Variants in INPP5D observed in about 807,000 individuals in gnomAD.
The protein encoded by INPP5D is inositol polyphosphate-5-phosphatase D.
Under a neutral mutation model 122.9 loss-of-function variants are expected in INPP5D, and 33 were observed. The observed-to-expected ratio is 0.27, with a 90% CI of 0.20 to 0.36. The LOEUF (loss-of-function observed/expected upper bound fraction) is 0.36. Ranked by LOEUF, INPP5D falls within the 10% of genes least tolerant of loss-of-function variation. The probability of loss-of-function intolerance (pLI) is 1.00; values close to 1 mark genes in which losing one functional copy is unlikely to be tolerated. For synonymous variants in INPP5D, 584 were observed against 576.2 expected, an observed-to-expected ratio of 1.01 and a Z score of -0.19; for missense variants, 1,053 against 1,412.7, an observed-to-expected ratio of 0.75 and a Z score of 4.08.
chr2:233,139,149 C>A (rs1367760005), intron 5 of INPP5D, among the ~76,000 whole-genome samples: 1 of 152,098 alleles, frequency 6.6e-6, no homozygotes, highest in Non-Finnish European at 1.5e-5. Context: ...ATTTTCAAAT[C>A]ATTAGAATGT....
At chr2:233,064,077 G>C (rs1358607921) in intron 1 of INPP5D, among the ~76,000 whole-genome samples, 1 of 152,274 alleles carries the variant, frequency 6.6e-6, no homozygotes, top group Non-Finnish European at 1.5e-5. Flanking sequence ...TGTGCAATCT[G>C]CACAGGCAAA....
intron 6 of INPP5D, among the ~76,000 whole-genome samples, chr2:233,145,725 C>T (rs944897755): frequency 3.3e-5 from 5 of 151,608 alleles, no homozygotes; most frequent in East Asian, 1.9e-4. Flanking sequence ...TATAGGACCT[C>T]GGAGGGCAGG....
intron 2 of INPP5D, among the ~76,000 whole-genome samples, chr2:233,115,167 T>A (rs889120757): frequency 6.6e-6 from 1 of 152,228 alleles, no homozygotes; most frequent in Non-Finnish European, 1.5e-5. Flanking sequence ...GCGCCTGGCC[T>A]GTTTCCCAGT....
intron 26 of INPP5D, among the ~76,000 whole-genome samples, chr2:233,205,952 A>C (rs974805666): frequency 6.6e-6 from 1 of 152,062 alleles, no homozygotes; most frequent in African/African-American, 2.4e-5. Flanking sequence ...TGTGGTGTGC[A>C]CCTGTAATCC....
At chr2:233,125,005 C>T (rs1693113283) in intron 3 of INPP5D, among the ~76,000 whole-genome samples, 1 of 152,242 alleles carries the variant, frequency 6.6e-6, no homozygotes. Flanking sequence ...AAGAGGAGGT[C>T]CCCCGGGGCC....
chr2:233,102,394 C>T (rs1692338969), intron 2 of INPP5D, among the ~76,000 whole-genome samples: 1 of 152,190 alleles, frequency 6.6e-6, no homozygotes, highest in Admixed American at 6.5e-5. Context: ...GTGTCCCACA[C>T]CTCGCCTGCT....
At chr2:233,138,768 A>C (rs1444893007) in intron 5 of INPP5D, among the ~76,000 whole-genome samples, 2 of 151,080 alleles carry the variant, frequency 1.3e-5, no homozygotes, top group Non-Finnish European at 2.9e-5. Flanking sequence ...TTTTTGAGAC[A>C]AGAGTCTCGC....
chr2:233,115,800 T>A (rs933508923), intron 2 of INPP5D, among the ~76,000 whole-genome samples: 8 of 152,234 alleles, frequency 5.3e-5, no homozygotes, highest in African/African-American at 1.9e-4. Context: ...TATGTCATTA[T>A]GTTTGCAACC....
chr2:233,195,489 C>G lies in INPP5D; in HGVS notation c.2687C>G (p.Thr896Ser). 1 of 1,612,928 alleles carries G rather than the reference C, an allele frequency of 6.2e-7. No homozygotes were observed. Among genetic ancestry groups the G allele is most frequent in the Non-Finnish European group, 8.5e-7 (1 of 1,179,314 alleles). The part of the protein sequence containing the change: ...SHDPMKQWEV[T>S]SRAPPCSGSS... ...GACCCCATGAAGCAGTGGGAAGTCA[C>G]TAGCAGGTAAAGTGGGCGTGGGGTG... Residue 896 changes from threonine (T) to serine (S), a missense_variant, in exon 24 of 27, where the codon ACT (threonine) becomes AGT (serine). Physicochemically the swap from Thr to Ser is moderately conservative, Grantham distance 58 (BLOSUM62 1). Coordinates refer to ENST00000445964, the MANE Select transcript of INPP5D (RefSeq NM_001017915.3).
intron 25 of INPP5D, among the ~76,000 whole-genome samples, chr2:233,198,748 C>T (rs1022422426): frequency 1.4e-4 from 21 of 150,498 alleles, no homozygotes; most frequent in African/African-American, 3.4e-4. Context: ...ATCGGGAGTT[C>T]GAGACCAGCC....
intron 26 of INPP5D, 89 bp downstream of exon 26, chr2:233,204,806 ATG>A (rs1331973282): frequency 1.3e-5 from 19 of 1,426,920 alleles, no homozygotes; most frequent in South Asian, 1.2e-4. Context: ...ATGTGTGTGC[ATG>A]TGTGTGTGCA....
chr2:233,184,360 A>G, intron 19 of INPP5D, 48 bp from the exon 20 acceptor site: 1 of 1,602,538 alleles, frequency 6.2e-7, no homozygotes, highest in East Asian at 2.2e-5. Flanking sequence ...GAAATGCTCC[A>G]TCTCCAGGCA....
chr2:233,181,022 C>A (rs1282813519), intron 18 of INPP5D, among the ~76,000 whole-genome samples: 2 of 152,212 alleles, frequency 1.3e-5, no homozygotes, highest in Non-Finnish European at 2.9e-5. Context: ...TCCCTCCTGT[C>A]TCAGAGAAGG....
intron 18 of INPP5D, among the ~76,000 whole-genome samples, chr2:233,181,701 C>A (rs999264196): frequency 1.3e-5 from 2 of 152,186 alleles, no homozygotes; most frequent in African/African-American, 4.8e-5. Flanking sequence ...TCTCCCGGTT[C>A]TATGAGGCAT....
At chr2:233,095,342 A>G (rs1454102867) in intron 2 of INPP5D, among the ~76,000 whole-genome samples, 3 of 152,160 alleles carry the variant, frequency 2.0e-5, no homozygotes, top group Non-Finnish European at 4.4e-5. Context: ...GGGCTTGGCC[A>G]GGCGCAGTGG....
chr2:233,061,661 C>T (rs1232042420), intron 1 of INPP5D, among the ~76,000 whole-genome samples: 1 of 152,204 alleles, frequency 6.6e-6, no homozygotes, highest in Non-Finnish European at 1.5e-5. Context: ...TTTGTTAGCC[C>T]ATTTCATCCT....
chr2:233,161,843 C>G lies in INPP5D; in HGVS notation c.1240+17C>G, dbSNP rs765643124. 47 of 1,606,912 alleles carry G rather than the reference C, an allele frequency of 2.9e-5. No homozygotes were observed. The South Asian group carries it at 5.0e-4, about 17-fold the overall frequency. The stretch of plus-strand genomic sequence containing the variant: ...GGAACATGGGTGGGTCCGCGCGCCC[C>G]CTCCCTGCAGTCACCCCCTCTGCTT... On this transcript the variant is annotated intron_variant, in intron 11 of 26. Transcript: ENST00000445964.
At chr2:233,122,367 C>A in intron 3 of INPP5D, 110 bp downstream of exon 3, 1 of 1,202,622 alleles carries the variant, frequency 8.3e-7, no homozygotes, top group Non-Finnish European at 1.2e-6. Flanking sequence ...AGATTGTTGG[C>A]GTGGGGGTTA....
At position 233,106,490 on chromosome 2, in the gene INPP5D, T is replaced by G. The variant is rs192833492; in HGVS notation, c.199-15617T>G. 3.4e-3 allele frequency among the ~76,000 whole-genome samples: 511 copies of G among 152,352 alleles called. 11 individuals are homozygous for G. The highest frequency in any genetic ancestry group is 4.4e-4 in the Non-Finnish European group (30 of 68,036). The stretch of plus-strand genomic sequence containing the variant: ...TTGCACTGGCTTGGCCAGAGTCATG[T>G]GGCCAAGCCCAACATCAGTGGGGCA... On this transcript the variant is annotated intron_variant, in intron 2 of 26. Coordinates refer to ENST00000445964, the MANE Select transcript of INPP5D (RefSeq NM_001017915.3).
Sources: gnomAD v4.1 joint callset for allele counts (sites outside exome capture counted in the v4.1 genomes callset) on GRCh38, gnomAD v4.1.1 for gene constraint, MANE v1.5 for transcripts, NCBI Gene and HGNC (gene_info 2026-07-23, HGNC 2026-07-21) for gene names.